The following CNTN5 variants were observed in gnomAD, a reference collection of about 807,000 sequenced individuals.
CNTN5 encodes contactin 5.
Under a neutral mutation model 129.1 loss-of-function variants are expected in CNTN5, and 77 were observed. The ratio of observed to expected loss-of-function variants is 0.60; its 90% confidence interval spans 0.50 to 0.72. The LOEUF is 0.72. CNTN5 is among the 30% of genes least tolerant of loss of function. The probability of loss-of-function intolerance (pLI) is 0.00; values close to 1 mark genes in which losing one functional copy is unlikely to be tolerated. For missense variants in CNTN5, 1,478 were observed against 1,328.8 expected (o/e 1.11, Z -1.75); for synonymous variants, 509 against 465.6 (o/e 1.09, Z -1.20).
At chr11:100,236,133 C>G (rs1949608507) in intron 16 of CNTN5, among the ~76,000 whole-genome samples, 1 of 152,186 alleles carries the variant, frequency 6.6e-6, no homozygotes, top group Non-Finnish European at 1.5e-5. Flanking sequence ...CAGGGAACAT[C>G]ACGTGCACGG....
chr11:100,298,333 TA>T (rs1206095606), intron 19 of CNTN5, among the ~76,000 whole-genome samples: 2 of 151,430 alleles, frequency 1.3e-5, no homozygotes, highest in Non-Finnish European at 3.0e-5. Flanking sequence ...AAACTTCATA[TA>T]TTTTTTTGAT....
chr11:100,257,463 G>C (rs1213991915), intron 17 of CNTN5, among the ~76,000 whole-genome samples: 1 of 152,096 alleles, frequency 6.6e-6, no homozygotes, highest in African/African-American at 2.4e-5. Context: ...TCCTCAAGTG[G>C]GTCCCTGACC....
chr11:99,850,188 G>T (rs1449744724), intron 6 of CNTN5, among the ~76,000 whole-genome samples: 1 of 152,030 alleles, frequency 6.6e-6, no homozygotes, highest in Non-Finnish European at 1.5e-5. Flanking sequence ...TAATTTTGAT[G>T]TGTAATCACT....
At chr11:99,028,375 A>G (rs1480164669) in intron 1 of CNTN5, among the ~76,000 whole-genome samples, 2 of 151,888 alleles carry the variant, frequency 1.3e-5, no homozygotes, top group Non-Finnish European at 3.0e-5. Context: ...AACCTGGTGG[A>G]GGAAATACAC....
chr11:99,723,938 C>G (rs1309286249), intron 3 of CNTN5, among the ~76,000 whole-genome samples: 1 of 152,206 alleles, frequency 6.6e-6, no homozygotes, highest in East Asian at 1.9e-4. Context: ...CAGCCCAAGT[C>G]AGTCTAATCT....
intron 2 of CNTN5, among the ~76,000 whole-genome samples, chr11:99,446,906 A>G (rs914353324): frequency 1.4e-4 from 21 of 152,278 alleles, no homozygotes; most frequent in African/African-American, 4.8e-4. Context: ...AGACTGGTTT[A>G]TTCAGAATGT....
chr11:100,029,449 G>A (rs1941593012), intron 9 of CNTN5, among the ~76,000 whole-genome samples: 1 of 152,052 alleles, frequency 6.6e-6, no homozygotes, highest in Non-Finnish European at 1.5e-5. Context: ...CGGGCGAGGT[G>A]GCAGGCGCCT....
At chr11:99,958,717 A>C (rs1337864236) in intron 8 of CNTN5, among the ~76,000 whole-genome samples, 2 of 152,206 alleles carry the variant, frequency 1.3e-5, no homozygotes, top group Non-Finnish European at 2.9e-5. Flanking sequence ...ATTCTCTATA[A>C]GCTATTTCTC....
chr11:100,255,959 C>G (rs1405935577), intron 17 of CNTN5, 41 bp downstream of exon 17: 1 of 1,573,294 alleles, frequency 6.4e-7, no homozygotes, highest in Non-Finnish European at 8.7e-7. Flanking sequence ...ACCAGAGTGG[C>G]CTTCTATCTC....
rs868038311 is a variant in CNTN5 at position 99,130,201 on chromosome 11, G to T, written c.-210+108931G>T. 5.9e-5 allele frequency among the ~76,000 whole-genome samples: 9 copies of T among 152,278 alleles called. 1 individual carries two copies. The Middle Eastern group carries it at 0.017, about 288-fold the overall frequency. ...ATAAAAAGGCGAGACCCATCAGCATGTTGTATTCAAGAGACACATCTCATG... is the reference window on the plus strand; with the variant it reads ...ATAAAAAGGCGAGACCCATCAGCATTTTGTATTCAAGAGACACATCTCATG... On this transcript the variant is annotated intron_variant, in intron 1 of 24. Transcript: ENST00000524871.
intron 1 of CNTN5, among the ~76,000 whole-genome samples, chr11:99,309,231 T>A (rs1319319807): frequency 6.6e-6 from 1 of 151,614 alleles, no homozygotes; most frequent in African/African-American, 2.4e-5. Context: ...TCTTTTTTTT[T>A]TTTTTGTATT....
At chr11:100,042,786 C>T (rs994666338) in intron 9 of CNTN5, among the ~76,000 whole-genome samples, 1 of 152,178 alleles carries the variant, frequency 6.6e-6, no homozygotes, top group Non-Finnish European at 1.5e-5. Flanking sequence ...ACATAGTCTT[C>T]TCCTGTTATT....
chr11:99,212,272 T>C (rs886507241), intron 1 of CNTN5, among the ~76,000 whole-genome samples: 55 of 152,198 alleles, frequency 3.6e-4, no homozygotes, highest in African/African-American at 1.3e-3. Flanking sequence ...GGGATGCTTC[T>C]TCTCCATCCT....
Position 100,299,464 on chromosome 11 carries a change from T to A in CNTN5, c.2620+68T>A, listed in dbSNP as rs555013405. 6.5e-6 allele frequency: 6 copies of A among 924,890 alleles called. No individual in the cohort carries two copies. The South Asian group carries it at 1.1e-4, about 17-fold the overall frequency. 57.3% of individuals were successfully genotyped at this position (924,890 alleles called of 1,614,324 possible). A position where few individuals can be genotyped will look rare whatever the true frequency, so the allele number is the denominator to read the frequency against. On this transcript the variant is annotated intron_variant, in intron 20 of 24. Coordinates refer to ENST00000524871, the MANE Select transcript of CNTN5 (RefSeq NM_014361.4). ...TTGTTATACAAATAATCAGACACCT[T>A]TGTACACATATTAGAAAATACAAAT...
intron 15 of CNTN5, among the ~76,000 whole-genome samples, chr11:100,200,695 T>A (rs1410015660): frequency 2.0e-5 from 3 of 151,800 alleles, no homozygotes; most frequent in Non-Finnish European, 4.4e-5. Flanking sequence ...GGGATAAGAG[T>A]ACCGTAATTC....
chr11:99,123,450 C>T (rs1338812018), intron 1 of CNTN5, among the ~76,000 whole-genome samples: 1 of 151,974 alleles, frequency 6.6e-6, no homozygotes, highest in Non-Finnish European at 1.5e-5. Flanking sequence ...AGACCTTTGT[C>T]AGATGCATAG....
At chr11:99,642,267 T>C (rs1951797774) in intron 3 of CNTN5, among the ~76,000 whole-genome samples, 1 of 152,312 alleles carries the variant, frequency 6.6e-6, no homozygotes, top group South Asian at 2.1e-4. Context: ...GGTTTCTTGT[T>C]TGATTGTCAC....
chr11:99,031,789 A>C (rs1863389174), intron 1 of CNTN5, among the ~76,000 whole-genome samples: 2 of 151,514 alleles, frequency 1.3e-5, no homozygotes, highest in East Asian at 1.9e-4. Flanking sequence ...ATTATACTTT[A>C]AGTTTTAGGG....
chr11:99,996,161 T>C (rs900843032), intron 8 of CNTN5, among the ~76,000 whole-genome samples: 3 of 152,174 alleles, frequency 2.0e-5, no homozygotes, highest in African/African-American at 7.2e-5. Flanking sequence ...CTGTACCTCA[T>C]TGTCTGCCGA....
Sources: allele counts gnomAD v4.1 joint callset (sites outside exome capture counted in the v4.1 genomes callset), GRCh38; gene constraint gnomAD v4.1.1; transcripts MANE v1.5; gene names NCBI Gene and HGNC (gene_info 2026-07-23, HGNC 2026-07-21).